TENM4: variants seen among roughly 807,000 people sequenced by gnomAD.
TENM4 encodes teneurin-4.
Under a neutral mutation model 243.3 loss-of-function variants are expected in TENM4, and 82 were observed. The observed-to-expected ratio is 0.34, with a 90% CI of 0.28 to 0.40. The LOEUF is 0.40. Ranked by LOEUF, TENM4 falls within the 10% of genes least tolerant of loss-of-function variation. The pLI is 1.00. For synonymous variants in TENM4, 1,412 were observed against 1,456.3 expected (o/e 0.97, Z 0.69); for missense variants, 3,138 against 3,673.3 (o/e 0.85, Z 3.77).
intron 2 of TENM4, among the ~76,000 whole-genome samples, chr11:79,216,678 C>T (rs917221595): frequency 1.3e-5 from 2 of 152,190 alleles, no homozygotes; most frequent in African/African-American, 4.8e-5. Flanking sequence ...TTGTCTCTTT[C>T]ACATGTGTTC....
intron 1 of TENM4, among the ~76,000 whole-genome samples, chr11:79,314,475 C>T (rs1226079553): frequency 2.6e-5 from 4 of 152,172 alleles, no homozygotes; most frequent in African/African-American, 7.2e-5. Flanking sequence ...GGTGCCAGTT[C>T]CAACCAGCTC....
intron 3 of TENM4, among the ~76,000 whole-genome samples, chr11:79,202,501 C>T (rs1308363138): frequency 6.6e-6 from 1 of 152,214 alleles, no homozygotes; most frequent in Non-Finnish European, 1.5e-5. Flanking sequence ...TTTAAATAAA[C>T]TCACATAGTT....
At chr11:79,434,957 A>C (rs537343204) in intron 1 of TENM4, among the ~76,000 whole-genome samples, 16 of 152,346 alleles carry the variant, frequency 1.1e-4, no homozygotes, top group African/African-American at 3.8e-4. Context: ...TACTCATTAA[A>C]TTATATCTGT....
chr11:79,195,782 T>C (rs1863615354), intron 3 of TENM4, among the ~76,000 whole-genome samples: 1 of 152,182 alleles, frequency 6.6e-6, no homozygotes, highest in African/African-American at 2.4e-5. Context: ...TAAAATGAAT[T>C]AAGACTTTGG....
intron 22 of TENM4, 69 bp downstream of exon 22, chr11:78,729,307 G>A: frequency 6.8e-7 from 1 of 1,467,768 alleles, no homozygotes; most frequent in Non-Finnish European, 9.1e-7. Context: ...AAGGAAGAAG[G>A]AACTAGGGAG....
intron 6 of TENM4, among the ~76,000 whole-genome samples, chr11:78,944,538 C>T (rs541401381): frequency 2.0e-5 from 3 of 152,166 alleles, no homozygotes; most frequent in Non-Finnish European, 4.4e-5. Context: ...TTCAAAAGGG[C>T]AGAAATCACA....
chr11:79,088,048 C>A (rs56104604), intron 4 of TENM4, among the ~76,000 whole-genome samples: 9,040 of 152,290 alleles, frequency 0.059, 395 homozygotes, highest in East Asian at 0.24. Context: ...TCCCAGGGCC[C>A]GATCCTCACT....
intron 25 of TENM4, among the ~76,000 whole-genome samples, chr11:78,713,308 G>T (rs1412423470): frequency 6.6e-6 from 1 of 152,160 alleles, no homozygotes; most frequent in Non-Finnish European, 1.5e-5. Flanking sequence ...CTGGCAGTCA[G>T]ATATAAGTGA....
At chr11:79,166,832 A>T (rs1862925527) in intron 3 of TENM4, among the ~76,000 whole-genome samples, 1 of 152,226 alleles carries the variant, frequency 6.6e-6, no homozygotes, top group Non-Finnish European at 1.5e-5. Context: ...CTGACAGTGC[A>T]CTAGGAAGTT....
intron 27 of TENM4, among the ~76,000 whole-genome samples, chr11:78,704,060 CACACATAT>C (rs1859175369): frequency 6.8e-6 from 1 of 147,408 alleles, no homozygotes; most frequent in African/African-American, 2.6e-5. Flanking sequence ...CACACACACA[CACACATAT>C]ATATATAAAT....
intron 2 of TENM4, among the ~76,000 whole-genome samples, chr11:79,289,960 TTTTTC>T (rs1856325945): frequency 1.4e-5 from 2 of 145,198 alleles, no homozygotes; most frequent in Admixed American, 6.8e-5. Flanking sequence ...TTTCTTTTTC[TTTTTC>T]TTTTTTTTTA....
chr11:79,339,718 G>C (rs1049497189), intron 1 of TENM4, among the ~76,000 whole-genome samples: 6 of 143,816 alleles, frequency 4.2e-5, no homozygotes, highest in Non-Finnish European at 6.1e-5. Context: ...AGGAGCAAGA[G>C]AGGGAAAAAA....
At chr11:78,963,603 G>T (rs1043950996) in intron 6 of TENM4, among the ~76,000 whole-genome samples, 3 of 152,176 alleles carry the variant, frequency 2.0e-5, no homozygotes, top group African/African-American at 7.2e-5. Flanking sequence ...GCTCTAAGGG[G>T]GAGGTGGCAC....
At position 79,045,234 on chromosome 11, in the gene TENM4, C is replaced by G. The variant is rs529435929; in HGVS notation, c.493+19504G>C. 8.9e-4 allele frequency among the ~76,000 whole-genome samples: 135 copies of G among 152,130 alleles called. 3 individuals are homozygous for G. The highest frequency in any genetic ancestry group is 1.2e-3 in the Non-Finnish European group (79 of 68,030). ...TGATTTCCTGAGTGTCCACTGCGTG[C>G]TCCTCTCTGTGGGAGGCACAGGTAG... On this transcript the variant is annotated intron_variant, in intron 6 of 33. Transcript: ENST00000278550.
chr11:79,023,890 A>AT (rs2136818849), intron 6 of TENM4, among the ~76,000 whole-genome samples: 1 of 152,320 alleles, frequency 6.6e-6, no homozygotes, highest in African/African-American at 2.4e-5. Context: ...GGTGGGCCTC[A>AT]TTCTTTGGCA....
intron 3 of TENM4, among the ~76,000 whole-genome samples, chr11:79,207,678 A>G (rs906726927): frequency 3.3e-5 from 5 of 152,028 alleles, no homozygotes; most frequent in African/African-American, 1.2e-4. Context: ...CAGCCTGAGT[A>G]ACATGGTGAA....
intron 6 of TENM4, among the ~76,000 whole-genome samples, chr11:78,972,237 C>T (rs1168446215): frequency 6.6e-6 from 1 of 152,142 alleles, no homozygotes; most frequent in Non-Finnish European, 1.5e-5. Flanking sequence ...GACCCACAGC[C>T]TCCCAGGTCT....
At chr11:78,757,964 A>G (rs1237450171) in intron 18 of TENM4, among the ~76,000 whole-genome samples, 1 of 152,242 alleles carries the variant, frequency 6.6e-6, no homozygotes, top group African/African-American at 2.4e-5. Flanking sequence ...TTCCCAAAGT[A>G]CAAAGAAAGT....
intron 12 of TENM4, among the ~76,000 whole-genome samples, chr11:78,853,594 T>C (rs73498595): frequency 0.018 from 2,766 of 152,322 alleles, 76 homozygotes; most frequent in African/African-American, 0.056. Flanking sequence ...CCAGTCTGAC[T>C]GATGGCATGG....
Sources: allele counts gnomAD v4.1 joint callset (sites outside exome capture counted in the v4.1 genomes callset), GRCh38; gene constraint gnomAD v4.1.1; transcripts MANE v1.5; gene names NCBI Gene and HGNC (gene_info 2026-07-23, HGNC 2026-07-21).